Variants in TENM2 observed in about 807,000 individuals in gnomAD.
TENM2 encodes teneurin transmembrane protein 2.
A neutral mutation model predicts 245.2 loss-of-function variants in TENM2; 52 were observed. That is an observed-to-expected ratio of 0.21 (90% CI 0.17 to 0.27). The LOEUF is 0.27. TENM2 is among the 10% of genes least tolerant of loss of function. The probability of loss-of-function intolerance (pLI) is 1.00; values close to 1 mark genes in which losing one functional copy is unlikely to be tolerated. For missense variants in TENM2, 3,046 were observed against 3,666.8 expected (o/e 0.83, Z 4.37); for synonymous variants, 1,363 against 1,438.9 (o/e 0.95, Z 1.19).
At chr5:168,233,286 A>G (rs1765111886) in intron 25 of TENM2, among the ~76,000 whole-genome samples, 1 of 152,224 alleles carries the variant, frequency 6.6e-6, no homozygotes, top group South Asian at 2.1e-4. Context: ...AGATCGTGCC[A>G]CTGCACTCCA....
intron 27 of TENM2, among the ~76,000 whole-genome samples, chr5:168,259,938 A>G (rs1258339263): frequency 6.6e-6 from 1 of 152,220 alleles, no homozygotes; most frequent in Admixed American, 6.5e-5. Context: ...GACCGACACA[A>G]TTATTATCCC....
intron 2 of TENM2, among the ~76,000 whole-genome samples, chr5:167,801,989 G>A (rs75149486): frequency 0.016 from 2,407 of 152,184 alleles, 55 homozygotes; most frequent in East Asian, 0.1. Flanking sequence ...GAAAGTCCAA[G>A]ATTAGCGTGC....
intron 2 of TENM2, among the ~76,000 whole-genome samples, chr5:167,569,012 C>T (rs960989114): frequency 3.4e-5 from 5 of 148,990 alleles, no homozygotes; most frequent in African/African-American, 1.2e-4. Context: ...CTGAGGGGCC[C>T]ATCTTCAAGC....
intron 2 of TENM2, among the ~76,000 whole-genome samples, chr5:167,758,572 TAC>T (rs1372940287): frequency 6.6e-6 from 1 of 152,192 alleles, no homozygotes; most frequent in East Asian, 1.9e-4. Flanking sequence ...GCCCTCTCCA[TAC>T]AGTCTTCTCT....
intron 1 of TENM2, among the ~76,000 whole-genome samples, chr5:167,327,781 G>C (rs1439978320): frequency 6.6e-6 from 1 of 152,196 alleles, no homozygotes; most frequent in Non-Finnish European, 1.5e-5. Context: ...GAGAGGAAGA[G>C]AATGGTGAAA....
chr5:167,624,220 A>G (rs1017637769), intron 2 of TENM2, among the ~76,000 whole-genome samples: 5 of 152,174 alleles, frequency 3.3e-5, no homozygotes, highest in African/African-American at 1.2e-4. Context: ...CATATATACC[A>G]TGGAATAGTA....
At chr5:168,047,058 A>T (rs1281089743) in intron 5 of TENM2, among the ~76,000 whole-genome samples, 1 of 152,144 alleles carries the variant, frequency 6.6e-6, no homozygotes, top group African/African-American at 2.4e-5. Flanking sequence ...TCTAAAAGCA[A>T]CTGTGTCCAG....
chr5:167,301,969 G>A (rs1474349658), intron 1 of TENM2, among the ~76,000 whole-genome samples: 4 of 151,978 alleles, frequency 2.6e-5, no homozygotes, highest in African/African-American at 7.3e-5. Flanking sequence ...TGGCAAAGAG[G>A]AGAGAGATCA....
chr5:167,927,540 T>G (rs1777857849), intron 3 of TENM2, among the ~76,000 whole-genome samples: 1 of 152,188 alleles, frequency 6.6e-6, no homozygotes, highest in South Asian at 2.1e-4. Context: ...ATCCTTATTT[T>G]TATGCCAATC....
At chr5:167,755,258 T>C (rs1406788074) in intron 2 of TENM2, 1 of 1,253,572 alleles carries the variant, frequency 8.0e-7, no homozygotes, top group Non-Finnish European at 1.1e-6. Context: ...ACAGGGTAGT[T>C]GGAGTATTTA....
chr5:167,590,927 A>G (rs1341402745), intron 2 of TENM2, among the ~76,000 whole-genome samples: 1 of 152,198 alleles, frequency 6.6e-6, no homozygotes, highest in Admixed American at 6.5e-5. Context: ...TGAGAAAACA[A>G]TGCATATCTG....
At chr5:167,338,681 A>G (rs997700307) in intron 1 of TENM2, among the ~76,000 whole-genome samples, 4 of 152,116 alleles carry the variant, frequency 2.6e-5, no homozygotes, top group East Asian at 1.9e-4. Context: ...CTTGCTTGCT[A>G]TGTATTAGTT....
At chr5:167,167,714 T>C in the TENM2 span, among the ~76,000 whole-genome samples, 2 of 152,306 alleles carry the variant, frequency 1.3e-5, no homozygotes, top group Admixed American at 6.5e-5. Flanking sequence ...CTCTTTTGTG[T>C]TCCTCAAGCA....
chr5:167,677,294 A>T (rs1234715699), intron 2 of TENM2, among the ~76,000 whole-genome samples: 3 of 152,228 alleles, frequency 2.0e-5, no homozygotes, highest in Middle Eastern at 3.4e-3. Flanking sequence ...TGAATATGTT[A>T]TTATGCATAT....
chr5:167,302,150 T>C (rs1237711897), intron 1 of TENM2, among the ~76,000 whole-genome samples: 2 of 152,152 alleles, frequency 1.3e-5, no homozygotes, highest in Non-Finnish European at 2.9e-5. Flanking sequence ...CCTCAGACCG[T>C]TTGCCTATTT....
chr5:167,053,978 T>C, the TENM2 span, among the ~76,000 whole-genome samples: 1 of 152,164 alleles, frequency 6.6e-6, no homozygotes, highest in South Asian at 2.1e-4. Context: ...CTCAATTTCT[T>C]CCACTAGAAC....
chr5:168,139,228 T>C (rs745391644), intron 12 of TENM2, among the ~76,000 whole-genome samples: 3 of 152,250 alleles, frequency 2.0e-5, no homozygotes, highest in South Asian at 4.1e-4. Context: ...TCTTCCACAA[T>C]GGAGGAAACT....
chr5:167,578,454 C>G (rs941740676), intron 2 of TENM2, among the ~76,000 whole-genome samples: 1 of 152,168 alleles, frequency 6.6e-6, no homozygotes, highest in African/African-American at 2.4e-5. Flanking sequence ...CTTGTTTGTA[C>G]TGCAGATGTC....
the TENM2 span, among the ~76,000 whole-genome samples, chr5:167,129,140 T>C: frequency 6.6e-6 from 1 of 152,082 alleles, no homozygotes; most frequent in Non-Finnish European, 1.5e-5. Context: ...GGGCTGTACT[T>C]ATGTCAGAAT....
Sources: gnomAD v4.1 joint callset for allele counts (sites outside exome capture counted in the v4.1 genomes callset) on GRCh38, gnomAD v4.1.1 for gene constraint, MANE v1.5 for transcripts, NCBI Gene and HGNC (gene_info 2026-07-23, HGNC 2026-07-21) for gene names.